Variants in GGA2 observed in about 807,000 individuals in gnomAD.
The protein encoded by GGA2 is golgi associated, gamma adaptin ear containing, ARF binding protein 2.
GGA2 carries 48 observed loss-of-function variants against 79.5 expected under a neutral mutation model. That is an observed-to-expected ratio of 0.60 (90% CI 0.48 to 0.77). The LOEUF (loss-of-function observed/expected upper bound fraction) is 0.77, where lower values mean the gene tolerates loss of function less well. Among genes scored for constraint, GGA2 ranks in the 30% least tolerant of loss-of-function variants. The pLI, the probability that GGA2 is intolerant of heterozygous loss-of-function variation, is 0.00. For missense variants in GGA2, 770 were observed against 774.0 expected (o/e 0.99, Z 0.06); for synonymous variants, 317 against 302.0 (o/e 1.05, Z -0.51).
At chr16:23,499,412 G>A (rs933799533) in intron 1 of GGA2, among the ~76,000 whole-genome samples, 5 of 151,832 alleles carry the variant, frequency 3.3e-5, no homozygotes, top group Non-Finnish European at 5.9e-5. Context: ...CCAAAGTAGT[G>A]GGATTACAGG....
chr16:23,513,449 T>C (rs2142150245), upstream of GGA2, among the ~76,000 whole-genome samples: 1 of 152,170 alleles, frequency 6.6e-6, no homozygotes, highest in Admixed American at 6.6e-5. Flanking sequence ...CCTAGACATA[T>C]TACTCCAGCC....
At chr16:23,520,565 G>A (rs538154653) in intron 1 of GGA2, among the ~76,000 whole-genome samples, 1 of 151,952 alleles carries the variant, frequency 6.6e-6, no homozygotes, top group South Asian at 2.1e-4. Flanking sequence ...GCTGAGATAG[G>A]AGGATCTCTT....
At chr16:23,499,853 G>A (rs1164124020) in intron 1 of GGA2, among the ~76,000 whole-genome samples, 1 of 152,230 alleles carries the variant, frequency 6.6e-6, no homozygotes, top group Admixed American at 6.5e-5. Context: ...AGCCAGCAAT[G>A]AATGAAAGGT....
intron 2 of GGA2, among the ~76,000 whole-genome samples, chr16:23,517,811 G>A (rs1965110674): frequency 1.3e-5 from 2 of 152,068 alleles, no homozygotes; most frequent in African/African-American, 4.8e-5. Flanking sequence ...GTGTTAGCCA[G>A]GATGGTCTCG....
chr16:23,475,456 C>G (rs1157322750), intron 13 of GGA2, among the ~76,000 whole-genome samples: 1 of 151,870 alleles, frequency 6.6e-6, no homozygotes, highest in Non-Finnish European at 1.5e-5. Flanking sequence ...TCCCAAAGTG[C>G]TGGGATTACA....
intron 1 of GGA2, among the ~76,000 whole-genome samples, chr16:23,504,077 G>A (rs1413008670): frequency 1.2e-4 from 17 of 146,256 alleles, no homozygotes; most frequent in South Asian, 4.3e-4. Context: ...GTGAAACTCC[G>A]TCTCAAAAAA....
At chr16:23,479,551 C>T (rs550156376) in intron 11 of GGA2, among the ~76,000 whole-genome samples, 31 of 148,390 alleles carry the variant, frequency 2.1e-4, no homozygotes, top group South Asian at 4.3e-4. Context: ...GCAGCAGACA[C>T]GTGCTTCCCA....
At position 23,510,401 on chromosome 16, in the gene GGA2, G is replaced by A. The variant is rs1221943625; in HGVS notation, c.11C>T (p.Thr4Ile). The A allele has an allele frequency of 8.7e-6, 12 of 1,379,394 alleles. No individual in the cohort carries two copies. The East Asian group carries it at 3.4e-4, about 39-fold the overall frequency. 85.4% of individuals were successfully genotyped at this position (1,379,394 alleles called of 1,614,324 possible). A position where few individuals can be genotyped will look rare whatever the true frequency, so the allele number is the denominator to read the frequency against. The change falls in exon 1 of 17, where the codon ACC becomes ATC. Residue 4 changes from threonine to isoleucine, a missense_variant. Physicochemically the swap from Thr to Ile is moderately conservative, Grantham distance 89 (BLOSUM62 -1). Transcript: ENST00000309859. ...TCCCGCCACAGCCGCCGCCACCGCG[G>A]TCGCCGCCATCGCTCCAGCCCCGAC... is the stretch of plus-strand genomic sequence containing the variant. MAATAVAAAVAGTE... is the reference protein window; with the variant it reads MAAIAVAAAVAGTE...
At chr16:23,521,599 A>T (rs1965143160) in intron 1 of GGA2, among the ~76,000 whole-genome samples, 1 of 152,012 alleles carries the variant, frequency 6.6e-6, no homozygotes, top group South Asian at 2.1e-4. Flanking sequence ...GGATCTCACT[A>T]TGTTGCCCAG....
chr16:23,466,390 G>T lies in GGA2; in HGVS notation c.*1200C>A, dbSNP rs1964437612. On this transcript the variant is annotated 3_prime_UTR_variant, in exon 17 of 17. Coordinates refer to ENST00000309859, the MANE Select transcript of GGA2 (RefSeq NM_015044.4). ...CTAAGTGGGAATTGATTATAAACTT[G>T]AATTCTTCCATCAACAAATATCCAC... 1 of 152,142 alleles carries T rather than the reference G, an allele frequency of 6.6e-6. No individual in the cohort carries two copies. Among genetic ancestry groups the T allele is most frequent in the South Asian group, 2.1e-4 (1 of 4,824 alleles). The allele number at this position is 152,142 out of a possible 1,614,324, so 9.4% of individuals were successfully genotyped here. A position where few individuals can be genotyped will look rare whatever the true frequency, so the allele number is the denominator to read the frequency against.
Position 23,493,462 on chromosome 16 carries a change from C to T in GGA2, c.253-4G>A. 2 of 1,581,470 alleles carry T rather than the reference C, an allele frequency of 1.3e-6. No individual in the cohort carries two copies. The highest frequency in any genetic ancestry group is 1.7e-6 in the Non-Finnish European group (2 of 1,150,238). On this transcript the variant is annotated splice_polypyrimidine_tract_variant and splice_region_variant and intron_variant, in intron 3 of 16. Coordinates refer to ENST00000309859, the MANE Select transcript of GGA2 (RefSeq NM_015044.4). Reference sequence around the variant, plus strand: ...GGTTCATGCACATCTCCAGCACCTGCACAGACACAGGACCCCCAGGAGAAG... The same window carrying T: ...GGTTCATGCACATCTCCAGCACCTGTACAGACACAGGACCCCCAGGAGAAG...
chr16:23,488,076 T>C (rs1204033963), intron 6 of GGA2, among the ~76,000 whole-genome samples: 2 of 152,040 alleles, frequency 1.3e-5, no homozygotes, highest in African/African-American at 4.8e-5. Flanking sequence ...GGGGAGTTCA[T>C]GGTGGATGGA....
At chr16:23,494,421 GA>G in intron 2 of GGA2, 43 bp from the exon 3 acceptor site, 1 of 1,270,190 alleles carries the variant, frequency 7.9e-7, no homozygotes, top group Non-Finnish European at 1.2e-6. Context: ...CGGGCAAAAA[GA>G]AACTAACCCG....
At chr16:23,480,303 A>G in intron 10 of GGA2, 1 of 315,716 alleles carries the variant, frequency 3.2e-6, no homozygotes, top group South Asian at 4.4e-5. Context: ...CCAGTGCTCC[A>G]GGTGATTCTG....
rs773213353 is a variant in GGA2 at position 23,467,080 on chromosome 16, T to C, written c.*510A>G. On this transcript the variant is annotated 3_prime_UTR_variant, in exon 17 of 17. Transcript: ENST00000309859. ...AATGAAAATGGAGACAAGGTCTTTC[T>C]TGGAAGAGAGTGCCCAAGTAGATAC... The C allele has an allele frequency of 7.7e-5, 12 of 155,248 alleles. No individual in the cohort carries two copies. The highest frequency in any genetic ancestry group is 1.1e-4 in the Non-Finnish European group (8 of 69,756). The allele number at this position is 155,248 out of a possible 1,614,324, so 9.6% of individuals were successfully genotyped here.
At position 23,491,709 on chromosome 16, in the gene GGA2, A is replaced by T; in HGVS notation, c.443T>A (p.Ile148Asn). The T allele has an allele frequency of 6.2e-7, 1 of 1,613,096 alleles. No homozygotes were observed. Among genetic ancestry groups the T allele is most frequent in the Non-Finnish European group, 8.5e-7 (1 of 1,179,100 alleles). Residue 148 changes from isoleucine (I) to asparagine (N), a missense_variant, in exon 5 of 17, where the codon ATT (isoleucine) becomes AAT (asparagine). Ile to Asn is a moderately radical substitution (Grantham distance 149). Transcript: ENST00000309859. ...WTVWFPEDIKIRDAYQMLKKQ... is the reference protein window; with the variant it reads ...WTVWFPEDIKNRDAYQMLKKQ... The stretch of plus-strand genomic sequence containing the variant: ...CTTCAGCATCTGATAAGCGTCTCGA[A>T]TCTTGATGTCTTCCGGAAACCAGAC...
chr16:23,520,188 G>T (rs530842584), intron 1 of GGA2, among the ~76,000 whole-genome samples: 186 of 144,136 alleles, frequency 1.3e-3, no homozygotes, highest in African/African-American at 4.6e-3. Context: ...GGGAAGTGGA[G>T]GTTTCAGTGA....
At chr16:23,524,214 G>A, upstream of GGA2, 1 of 699,342 alleles carries the variant, frequency 1.4e-6, no homozygotes, top group Non-Finnish European at 2.5e-6. Context: ...GCCTGTGGTG[G>A]ATCACAAATG....
chr16:23,496,090 C>G (rs1458789274), intron 1 of GGA2, among the ~76,000 whole-genome samples: 1 of 151,864 alleles, frequency 6.6e-6, no homozygotes, highest in Non-Finnish European at 1.5e-5. Context: ...CATTTGAGGT[C>G]AGAAGTTTGA....
Sources: gnomAD v4.1 joint callset for allele counts (sites outside exome capture counted in the v4.1 genomes callset) on GRCh38, gnomAD v4.1.1 for gene constraint, MANE v1.5 for transcripts, NCBI Gene and HGNC (gene_info 2026-07-23, HGNC 2026-07-21) for gene names.